PTPRD: variants seen among roughly 807,000 people sequenced by gnomAD.
PTPRD encodes receptor-type tyrosine-protein phosphatase delta.
PTPRD carries 34 observed loss-of-function variants against 214.5 expected under a neutral mutation model. That is an observed-to-expected ratio of 0.16 (90% CI 0.12 to 0.21). The LOEUF is 0.21. PTPRD is among the 10% of genes least tolerant of loss of function. PTPRD has a pLI of 1.00. For missense variants in PTPRD, 2,545 were observed against 2,398.7 expected, an observed-to-expected ratio of 1.06 and a Z score of -1.27; for synonymous variants, 1,128 against 845.7, an observed-to-expected ratio of 1.33 and a Z score of -5.79.
At chr9:9,430,608 C>A (rs1251748529) in intron 8 of PTPRD, among the ~76,000 whole-genome samples, 6 of 152,032 alleles carry the variant, frequency 3.9e-5, no homozygotes, top group Admixed American at 2.0e-4. Context: ...AATCCTAAGC[C>A]AAAAGAACAA....
intron 9 of PTPRD, among the ~76,000 whole-genome samples, chr9:9,332,177 A>G (rs1188198632): frequency 6.6e-6 from 1 of 152,084 alleles, no homozygotes; most frequent in African/African-American, 2.4e-5. Context: ...TCAAATATAT[A>G]TTTGAATCAG....
chr9:10,191,035 C>G (rs1029437213), intron 3 of PTPRD, among the ~76,000 whole-genome samples: 1 of 151,954 alleles, frequency 6.6e-6, no homozygotes, highest in Non-Finnish European at 1.5e-5. Flanking sequence ...AATAATTGGC[C>G]TCTCAACTTT....
At chr9:9,159,258 G>A (rs968001676) in intron 10 of PTPRD, among the ~76,000 whole-genome samples, 9 of 152,112 alleles carry the variant, frequency 5.9e-5, no homozygotes, top group African/African-American at 1.7e-4. Flanking sequence ...AAATGAAGAA[G>A]TGAAATAGGA....
At chr9:10,530,884 A>C (rs1302193733) in intron 2 of PTPRD, among the ~76,000 whole-genome samples, 1 of 152,166 alleles carries the variant, frequency 6.6e-6, no homozygotes, top group African/African-American at 2.4e-5. Flanking sequence ...GATATTAGAA[A>C]AATGCCCTAT....
At chr9:9,241,414 A>AG (rs891516047) in intron 9 of PTPRD, among the ~76,000 whole-genome samples, 28 of 152,134 alleles carry the variant, frequency 1.8e-4, no homozygotes, top group African/African-American at 6.8e-4. Context: ...ATAGGATACA[A>AG]GGGGAAACAC....
At chr9:9,238,305 T>C (rs952741567) in intron 9 of PTPRD, among the ~76,000 whole-genome samples, 1 of 152,082 alleles carries the variant, frequency 6.6e-6, no homozygotes, top group Non-Finnish European at 1.5e-5. Context: ...GTGAAGGCAC[T>C]TGACCTTTGG....
chr9:9,654,298 G>C (rs988793970), intron 7 of PTPRD, among the ~76,000 whole-genome samples: 35 of 152,028 alleles, frequency 2.3e-4, no homozygotes, highest in Non-Finnish European at 3.7e-4. Context: ...AAGAGGGATA[G>C]TAACATACTC....
intron 39 of PTPRD, among the ~76,000 whole-genome samples, chr9:8,364,646 G>C (rs902064929): frequency 6.6e-6 from 1 of 152,180 alleles, no homozygotes; most frequent in African/African-American, 2.4e-5. Context: ...GGCCTGAAGT[G>C]GTTTCCACCA....
chr9:8,344,059 C>T (rs1295984113), intron 39 of PTPRD, among the ~76,000 whole-genome samples: 2 of 150,920 alleles, frequency 1.3e-5, no homozygotes, highest in Admixed American at 6.6e-5. Flanking sequence ...GTTAAAGGAA[C>T]CTAAGTCAGA....
At chr9:9,158,542 G>T (rs1338052722) in intron 10 of PTPRD, among the ~76,000 whole-genome samples, 1 of 152,142 alleles carries the variant, frequency 6.6e-6, no homozygotes, top group South Asian at 2.1e-4. Flanking sequence ...AGAGGTTGTA[G>T]TGAGCCGAGA....
chr9:9,384,343 CTTTTTTTTTTTTTTTTTTTTTTTTTT>C (rs869246078), intron 9 of PTPRD, among the ~76,000 whole-genome samples: 17 of 33,318 alleles, frequency 5.1e-4, no homozygotes, highest in Non-Finnish European at 7.7e-4. Flanking sequence ...GAAGACTAGG[CTTTTTTTTTTTTTTTTTTTTTTTTTT>C]TTTTTTTTTT....
chr9:9,328,028 T>A (rs1480922959), intron 9 of PTPRD, among the ~76,000 whole-genome samples: 1 of 152,130 alleles, frequency 6.6e-6, no homozygotes, highest in Admixed American at 6.6e-5. Flanking sequence ...TGGACAAGCT[T>A]GATGTACATA....
chr9:8,703,595 C>T (rs1273867637), intron 12 of PTPRD, among the ~76,000 whole-genome samples: 1 of 152,180 alleles, frequency 6.6e-6, no homozygotes, highest in Non-Finnish European at 1.5e-5. Context: ...TTTTCTTTCT[C>T]TTTTCTCCTG....
At chr9:10,537,772 C>A (rs927334970) in intron 2 of PTPRD, among the ~76,000 whole-genome samples, 4 of 151,988 alleles carry the variant, frequency 2.6e-5, no homozygotes, top group African/African-American at 9.7e-5. Flanking sequence ...TAAAAGTTTC[C>A]TAATAACTAA....
intron 11 of PTPRD, among the ~76,000 whole-genome samples, chr9:8,983,313 T>A (rs746728530): frequency 5.9e-5 from 9 of 152,044 alleles, no homozygotes; most frequent in Non-Finnish European, 8.8e-5. Context: ...TTATATTAGA[T>A]GACAATGTCA....
At chr9:8,604,708 A>C (rs1459347504) in intron 14 of PTPRD, among the ~76,000 whole-genome samples, 1 of 152,194 alleles carries the variant, frequency 6.6e-6, no homozygotes, top group African/African-American at 2.4e-5. Flanking sequence ...TGAAGTAATC[A>C]ATTATCTCCT....
intron 10 of PTPRD, among the ~76,000 whole-genome samples, chr9:9,087,483 G>C (rs1021890110): frequency 7.9e-5 from 12 of 152,150 alleles, no homozygotes; most frequent in African/African-American, 2.9e-4. Context: ...CTTCCATAAA[G>C]AAATGTAGGT....
chr9:8,506,790 C>G (rs2097550947), intron 22 of PTPRD, among the ~76,000 whole-genome samples: 1 of 152,190 alleles, frequency 6.6e-6, no homozygotes, highest in East Asian at 1.9e-4. Flanking sequence ...ACAGCATACT[C>G]AAATGTTATA....
chr9:10,143,367 T>A (rs201367886), intron 3 of PTPRD, among the ~76,000 whole-genome samples: 6 of 152,118 alleles, frequency 3.9e-5, no homozygotes, highest in Non-Finnish European at 7.4e-5. Context: ...GATATCATCT[T>A]ACACCAGTTA....
Sources: allele counts gnomAD v4.1 joint callset (sites outside exome capture counted in the v4.1 genomes callset), GRCh38; gene constraint gnomAD v4.1.1; transcripts MANE v1.5; gene names NCBI Gene and HGNC (gene_info 2026-07-23, HGNC 2026-07-21).